LARP4B: variants seen among roughly 807,000 people sequenced by gnomAD.
The protein encoded by LARP4B is la-related protein 4B.
In LARP4B, 12 loss-of-function variants were observed where a neutral mutation model predicts 89.8. The observed-to-expected ratio is 0.13, with a 90% confidence interval of 0.09 to 0.22. The LOEUF (loss-of-function observed/expected upper bound fraction) is 0.22, where lower values mean the gene tolerates loss of function less well. Ranked by LOEUF, LARP4B falls within the 10% of genes least tolerant of loss-of-function variation. LARP4B has a pLI of 1.00. For missense variants in LARP4B, 757 were observed against 947.7 expected (o/e 0.80, Z 2.64); for synonymous variants, 367 against 363.3 (o/e 1.01, Z -0.12).
chr10:903,433 A>G (rs1836397819), intron 1 of LARP4B: 1 of 152,246 alleles, frequency 6.6e-6, no homozygotes, highest in Admixed American at 6.5e-5. Flanking sequence ...ATCTTACTGC[A>G]CGGCTTTAAT....
the LARP4B span, among the ~76,000 whole-genome samples, chr10:983,087 T>C: frequency 1.3e-5 from 2 of 152,264 alleles, no homozygotes; most frequent in African/African-American, 4.8e-5. Flanking sequence ...TCGGATTTTC[T>C]AAACTTAAGT....
Position 815,172 on chromosome 10 carries a change from C to T in LARP4B, c.1696-102G>A, listed in dbSNP as rs908712410. 1.5e-5 allele frequency: 21 copies of T among 1,372,306 alleles called. No homozygotes were observed. In the African/African-American group the frequency reaches 2.9e-4, roughly 19 times the overall value. The allele number at this position is 1,372,306 out of a possible 1,614,324, so 85.0% of individuals were successfully genotyped here. On this transcript the variant is annotated intron_variant, in intron 15 of 17. Coordinates refer to ENST00000316157, the MANE Select transcript of LARP4B (RefSeq NM_015155.3). The stretch of plus-strand genomic sequence containing the variant: ...CCCGTGAACAGCCTTGGGAGAGCAG[C>T]ACAAGGACATAGGGGAAGAGGGTCT...
chr10:826,522 G>A (rs1224104407), intron 11 of LARP4B, among the ~76,000 whole-genome samples: 3 of 152,202 alleles, frequency 2.0e-5, no homozygotes, highest in Non-Finnish European at 4.4e-5. Flanking sequence ...AGAATTTTAA[G>A]TATCGGCCAA....
the LARP4B span, among the ~76,000 whole-genome samples, chr10:967,263 G>C: frequency 1.3e-5 from 2 of 152,098 alleles, no homozygotes; most frequent in African/African-American, 4.8e-5. Flanking sequence ...GACACTTCAA[G>C]GAATAAAAAT....
At chr10:818,113 A>G in intron 14 of LARP4B, 1 of 489,946 alleles carries the variant, frequency 2.0e-6, no homozygotes, top group Non-Finnish European at 3.7e-6. Flanking sequence ...GATGTGTCAC[A>G]AAGGACACAG....
At chr10:968,850 T>C in the LARP4B span, among the ~76,000 whole-genome samples, 3 of 152,228 alleles carry the variant, frequency 2.0e-5, no homozygotes, top group African/African-American at 4.8e-5. Flanking sequence ...AGAAAGAGAA[T>C]AGGCAGTTCT....
At chr10:924,934 T>C (rs1358830611) in intron 1 of LARP4B, among the ~76,000 whole-genome samples, 2 of 152,252 alleles carry the variant, frequency 1.3e-5, no homozygotes, top group African/African-American at 2.4e-5. Context: ...CTTAGGTTCA[T>C]ACTGAGGAGC....
chr10:825,003 A>G, intron 13 of LARP4B, 62 bp downstream of exon 13: 4 of 1,437,990 alleles, frequency 2.8e-6, no homozygotes, highest in Non-Finnish European at 3.7e-6. Context: ...AAACATATCT[A>G]AATTAAATAA....
In LARP4B at chr10:863,733, A is replaced by C. The variant is rs765724391; in HGVS notation, c.430+10T>G. ...TTCCCTGGGAAAATGCACCCATAAG[A>C]TATGTTTACCTGTCTCGCTATTTTC... On this transcript the variant is annotated intron_variant, in intron 5 of 17. Transcript: ENST00000316157. The C allele has an allele frequency of 6.3e-7, 1 of 1,591,060 alleles. No homozygotes were observed. Among genetic ancestry groups the C allele is most frequent in the Non-Finnish European group, 8.5e-7 (1 of 1,170,344 alleles).
At chr10:824,965 TTC>T in intron 13 of LARP4B, 98 bp downstream of exon 13, 1 of 1,224,094 alleles carries the variant, frequency 8.2e-7, no homozygotes, top group South Asian at 1.8e-5. Context: ...CAGTTAGATT[TTC>T]TGTGACATAT....
At chr10:893,707 C>A (rs1380958534) in intron 1 of LARP4B, among the ~76,000 whole-genome samples, 1 of 152,094 alleles carries the variant, frequency 6.6e-6, no homozygotes, top group Non-Finnish European at 1.5e-5. Context: ...GGACATCTTA[C>A]CATGAAGCAG....
the LARP4B span, among the ~76,000 whole-genome samples, chr10:947,763 A>G: frequency 3.7e-3 from 558 of 152,138 alleles, 1 homozygote; most frequent in Non-Finnish European, 6.4e-3. Context: ...CTGGGATTAC[A>G]GGGATGCGCC....
Position 813,016 on chromosome 10 carries a change from C to G in LARP4B, c.2127G>C (p.Gln709His), listed in dbSNP as rs749235227. 15 of 1,604,998 alleles carry G rather than the reference C, an allele frequency of 9.3e-6. No individual in the cohort carries two copies. Among genetic ancestry groups the G allele is most frequent in the Non-Finnish European group, 1.3e-5 (15 of 1,177,968 alleles). The change falls in exon 18 of 18, where the codon CAG becomes CAC. Residue 709 changes from glutamine (Q) to histidine (H), a missense_variant. This residue lies in a region of LARP4B where 387 missense variants were observed against 423.6 expected (regional missense o/e 0.91). Coordinates refer to ENST00000316157, the MANE Select transcript of LARP4B (RefSeq NM_015155.3). ...AGGGCCGGCCCCCCGCCGGCCGCCT[C>G]TGGTCTCTGGGGGCTCCAGGTGTGG... Reference protein sequence around the residue: ...LKSTPGAPRDQRRPAGGRPSP... With the variant: ...LKSTPGAPRDHRRPAGGRPSP...
At chr10:938,407 C>A in the LARP4B span, among the ~76,000 whole-genome samples, 2 of 152,036 alleles carry the variant, frequency 1.3e-5, no homozygotes, top group African/African-American at 4.8e-5. Context: ...CCCAACACCA[C>A]GCCCGGCTAA....
the LARP4B span, chr10:988,331 A>T: frequency 1.5e-6 from 1 of 665,944 alleles, no homozygotes; most frequent in Non-Finnish European, 2.7e-6. Context: ...GCGCTGTGCG[A>T]CGCGGAAAGC....
chr10:851,968 A>G (rs1834076206), intron 5 of LARP4B, among the ~76,000 whole-genome samples: 1 of 152,198 alleles, frequency 6.6e-6, no homozygotes, highest in South Asian at 2.1e-4. Context: ...TGGGAGGCTA[A>G]GGCGGGAGAA....
At chr10:870,090 A>G in intron 3 of LARP4B, 1 of 981,930 alleles carries the variant, frequency 1.0e-6, no homozygotes, top group Non-Finnish European at 1.2e-6. Context: ...TTTTCTGAAA[A>G]CAAAGCAATT....
At chr10:879,764 G>A (rs1480818737) in intron 3 of LARP4B, among the ~76,000 whole-genome samples, 2 of 151,472 alleles carry the variant, frequency 1.3e-5, no homozygotes, top group Non-Finnish European at 2.9e-5. Context: ...CACTACATCC[G>A]GCCAAGTCTT....
At chr10:956,899 C>T in the LARP4B span, among the ~76,000 whole-genome samples, 608 of 152,238 alleles carry the variant, frequency 4.0e-3, 15 homozygotes, top group East Asian at 0.057. The surrounding 1 kb of genome is among the most constrained non-coding windows in gnomAD (Gnocchi z 4.3). Context: ...AGGAAGGTGA[C>T]GCATGAGATA....
Sources: allele counts gnomAD v4.1 joint callset (sites outside exome capture counted in the v4.1 genomes callset), GRCh38; gene constraint gnomAD v4.1.1; regional missense constraint gnomAD v4.1.1; non-coding constraint Gnocchi (gnomAD v3.1); transcripts MANE v1.5; gene names NCBI Gene and HGNC (gene_info 2026-07-23, HGNC 2026-07-21).